ROR1: variants seen among roughly 807,000 people sequenced by gnomAD.
The protein encoded by ROR1 is ROR family WNT receptor 1, also known as inactive tyrosine-protein kinase transmembrane receptor ROR1.
A neutral mutation model predicts 78.8 loss-of-function variants in ROR1; 19 were observed. That is an observed-to-expected ratio of 0.24 (90% CI 0.17 to 0.35). The LOEUF is 0.35. Among genes scored for constraint, ROR1 ranks in the 10% least tolerant of loss-of-function variants. The pLI is 1.00. For missense variants in ROR1, 917 were observed against 1,177.8 expected (o/e 0.78, Z 3.24); for synonymous variants, 386 against 433.6 (o/e 0.89, Z 1.36).
intron 1 of ROR1, among the ~76,000 whole-genome samples, chr1:63,874,222 A>T (rs1312176921): frequency 6.6e-6 from 1 of 152,204 alleles, no homozygotes; most frequent in Non-Finnish European, 1.5e-5. Context: ...TTTAGAACAC[A>T]AGTAGTCCTT....
At chr1:63,905,040 C>G (rs1459597695) in intron 1 of ROR1, among the ~76,000 whole-genome samples, 2 of 152,064 alleles carry the variant, frequency 1.3e-5, no homozygotes, top group African/African-American at 4.8e-5. Context: ...AAGAGCCTTC[C>G]CTGGGCCCTA....
chr1:63,814,257 G>A (rs1644876804), intron 1 of ROR1, among the ~76,000 whole-genome samples: 1 of 152,124 alleles, frequency 6.6e-6, no homozygotes, highest in African/African-American at 2.4e-5. Context: ...TCTCAGACTG[G>A]AGCAACTCCT....
intron 4 of ROR1, among the ~76,000 whole-genome samples, chr1:64,081,234 G>A (rs1169544613): frequency 6.6e-6 from 1 of 152,078 alleles, no homozygotes; most frequent in East Asian, 1.9e-4. Context: ...TTAGAACCTA[G>A]GTTTTCTTAT....
At position 63,926,082 on chromosome 1, in the gene ROR1, C is replaced by T. The variant is rs540621440; in HGVS notation, c.92-83223C>T. 5.6e-3 allele frequency among the ~76,000 whole-genome samples: 852 copies of T among 152,244 alleles called. 5 individuals are homozygous for T. Among genetic ancestry groups the T allele is most frequent in the African/African-American group, 0.017 (719 of 41,530 alleles). ...GCTTTTGGTGTTTTAGACATGAAGT[C>T]CTTGTCCATGCCTAAGTCCTGAATG... On this transcript the variant is annotated intron_variant, in intron 1 of 8. Transcript: ENST00000371079.
chr1:63,912,795 G>A (rs1485792333), intron 1 of ROR1, among the ~76,000 whole-genome samples: 1 of 152,170 alleles, frequency 6.6e-6, no homozygotes, highest in East Asian at 1.9e-4. Flanking sequence ...CTGTTCTTTT[G>A]AGTTGGACTG....
intron 4 of ROR1, among the ~76,000 whole-genome samples, chr1:64,058,463 G>A (rs757749395): frequency 4.6e-5 from 7 of 151,550 alleles, no homozygotes; most frequent in African/African-American, 9.7e-5. Flanking sequence ...TGTTAGCTGC[G>A]TTTTTCCATA....
At chr1:64,109,702 A>AT (rs1056915359) in intron 4 of ROR1, among the ~76,000 whole-genome samples, 15 of 151,944 alleles carry the variant, frequency 9.9e-5, no homozygotes, top group African/African-American at 2.7e-4. Context: ...TAATTTTTGT[A>AT]TTTTTTTGTA....
chr1:63,815,742 C>T (rs1236612321), intron 1 of ROR1, among the ~76,000 whole-genome samples: 1 of 151,974 alleles, frequency 6.6e-6, no homozygotes, highest in African/African-American at 2.4e-5. Flanking sequence ...TTGAGAGACC[C>T]CATCCCAGTG....
chr1:64,071,575 C>A (rs111313341), intron 4 of ROR1, among the ~76,000 whole-genome samples: 1 of 149,358 alleles, frequency 6.7e-6, no homozygotes, highest in African/African-American at 2.5e-5. Flanking sequence ...GCCCCACCAC[C>A]CACACAGACA....
At chr1:63,884,753 A>G (rs1645345655) in intron 1 of ROR1, among the ~76,000 whole-genome samples, 1 of 152,164 alleles carries the variant, frequency 6.6e-6, no homozygotes, top group South Asian at 2.1e-4. Context: ...CTCAATGTGG[A>G]AAGTGCTGGT....
chr1:63,788,783 C>T, intron 1 of ROR1: 2 of 575,406 alleles, frequency 3.5e-6, no homozygotes, highest in Admixed American at 4.2e-5. Flanking sequence ...TGGAGGCACT[C>T]TTTATGGCGC....
chr1:63,858,002 G>T (rs1645159032), intron 1 of ROR1, among the ~76,000 whole-genome samples: 1 of 150,938 alleles, frequency 6.6e-6, no homozygotes, highest in African/African-American at 2.5e-5. Context: ...AATGTTAGTT[G>T]CCTATCACAG....
intron 1 of ROR1, among the ~76,000 whole-genome samples, chr1:63,895,288 A>T (rs1407189516): frequency 1.3e-5 from 2 of 152,180 alleles, no homozygotes; most frequent in East Asian, 1.9e-4. Flanking sequence ...TAGAAATACT[A>T]GTTATCTGCA....
chr1:63,975,076 A>G (rs997736444), intron 1 of ROR1, among the ~76,000 whole-genome samples: 26 of 152,220 alleles, frequency 1.7e-4, no homozygotes, highest in African/African-American at 6.3e-4. Context: ...CATAGATTAA[A>G]TATCACTTTT....
At chr1:63,793,177 G>A (rs1253343430) in intron 1 of ROR1, among the ~76,000 whole-genome samples, 1 of 152,106 alleles carries the variant, frequency 6.6e-6, no homozygotes, top group Non-Finnish European at 1.5e-5. Flanking sequence ...TTATTATCTG[G>A]GGCTACAGAA....
In ROR1 at chr1:64,022,101, A is replaced by T. The variant is rs142627181; in HGVS notation, c.163+12725A>T. ...AGTTCTGATACATGCCATAACATGG[A>T]TAAATCTCAAAAACACTATGCTGAG... On this transcript the variant is annotated intron_variant, in intron 2 of 8. Transcript: ENST00000371079. 4.6e-3 allele frequency among the ~76,000 whole-genome samples: 700 copies of T among 152,338 alleles called. 4 individuals are homozygous for T. The highest frequency in any genetic ancestry group is 7.0e-3 in the Non-Finnish European group (479 of 68,030).
intron 1 of ROR1, among the ~76,000 whole-genome samples, chr1:63,856,020 ATAAT>A (rs1645146336): frequency 6.6e-6 from 1 of 152,002 alleles, no homozygotes; most frequent in Admixed American, 6.6e-5. Flanking sequence ...GAATATAGTT[ATAAT>A]AACCATTTTA....
At chr1:64,145,553 C>T (rs987004188) in intron 7 of ROR1, among the ~76,000 whole-genome samples, 35 of 152,078 alleles carry the variant, frequency 2.3e-4, no homozygotes, top group Non-Finnish European at 4.6e-4. Context: ...TACTTTCATA[C>T]GTATTACAAA....
At chr1:63,856,075 T>C (rs1446538128) in intron 1 of ROR1, among the ~76,000 whole-genome samples, 3 of 151,416 alleles carry the variant, frequency 2.0e-5, no homozygotes, top group Non-Finnish European at 2.9e-5. Context: ...TCAGTTTTGA[T>C]TGACTTTTTT....
Sources: gnomAD v4.1 joint callset for allele counts (sites outside exome capture counted in the v4.1 genomes callset) on GRCh38, gnomAD v4.1.1 for gene constraint, MANE v1.5 for transcripts, NCBI Gene and HGNC (gene_info 2026-07-23, HGNC 2026-07-21) for gene names.